The following LTF variants were observed in gnomAD, a reference collection of about 807,000 sequenced individuals.
LTF encodes epididymis luminal protein 110.
LTF carries 91 observed loss-of-function variants against 87.2 expected under a neutral mutation model. The observed-to-expected ratio is 1.04, with a 90% confidence interval of 0.88 to 1.24. The LOEUF (loss-of-function observed/expected upper bound fraction) is 1.24, where lower values mean the gene tolerates loss of function less well. Among genes scored for constraint, LTF ranks in the 50% most tolerant of loss-of-function variants. The pLI, the probability that LTF is intolerant of heterozygous loss-of-function variation, is 0.00. For synonymous variants in LTF, 378 were observed against 356.1 expected, an observed-to-expected ratio of 1.06 and a Z score of -0.69; for missense variants, 901 against 904.3, an observed-to-expected ratio of 1.00 and a Z score of 0.05.
intron 6 of LTF, among the ~76,000 whole-genome samples, chr3:46,453,565 G>T (rs1373133165): frequency 6.6e-6 from 1 of 151,998 alleles, no homozygotes; most frequent in South Asian, 2.1e-4. Flanking sequence ...GGTCCTGAGT[G>T]AATGTGGGTG....
chr3:46,465,018 G>A (rs564483332), upstream of LTF: 2 of 754,106 alleles, frequency 2.7e-6, no homozygotes, highest in South Asian at 3.2e-5. Flanking sequence ...GTTCCTTGAG[G>A]ATCCAGGCTC....
intron 1 of LTF, chr3:46,463,410 C>G: frequency 1.0e-6 from 1 of 961,550 alleles, no homozygotes; most frequent in Non-Finnish European, 1.2e-6. Context: ...CCACCCAATG[C>G]TCACACGGCT....
Position 46,436,063 on chromosome 3 carries a change from A to C in LTF, c.*132T>G, listed in dbSNP as rs1012013317. On this transcript the variant is annotated 3_prime_UTR_variant, in exon 17 of 17. Transcript: ENST00000231751. ...ACTTCTTGCTAAGACGACAGCAGGG[A>C]ATTGTAAGCAGATGGATGGGCAATC... is the stretch of plus-strand genomic sequence containing the variant. 1.3e-6 allele frequency: 1 copy of C among 797,582 alleles called. No homozygotes were observed. Among genetic ancestry groups the C allele is most frequent in the Non-Finnish European group, 2.2e-6 (1 of 464,798 alleles). The allele number at this position is 797,582 out of a possible 1,614,324, so 49.4% of individuals were successfully genotyped here. A position where few individuals can be genotyped will look rare whatever the true frequency, so the allele number is the denominator to read the frequency against.
At chr3:46,482,605 GAAAGAAGA>G (rs1327622685) in intron 1 of LTF, among the ~76,000 whole-genome samples, 8 of 124,282 alleles carry the variant, frequency 6.4e-5, no homozygotes, top group African/African-American at 2.2e-4. Context: ...GAGAAAGAAA[GAAAGAAGA>G]AAGAAAGAAA....
upstream of LTF, chr3:46,468,388 G>A: frequency 2.2e-6 from 1 of 451,632 alleles, no homozygotes. Flanking sequence ...GCACAAAGAA[G>A]GTAGCTGCTG....
At chr3:46,448,233 G>T (rs1409806774) in intron 9 of LTF, among the ~76,000 whole-genome samples, 1 of 152,112 alleles carries the variant, frequency 6.6e-6, no homozygotes, top group African/African-American at 2.4e-5. Flanking sequence ...CAGGTGTGGT[G>T]GCGTATGCCT....
chr3:46,475,702 A>T (rs761975748), intron 1 of LTF, among the ~76,000 whole-genome samples: 23 of 152,208 alleles, frequency 1.5e-4, no homozygotes, highest in Non-Finnish European at 3.4e-4. Context: ...AATCTTTTTT[A>T]AGTTAAAAAA....
intron 14 of LTF, among the ~76,000 whole-genome samples, chr3:46,440,474 C>T (rs2106831427): frequency 6.6e-6 from 1 of 152,282 alleles, no homozygotes; most frequent in Non-Finnish European, 1.5e-5. Context: ...CAGTTAATGG[C>T]TTGTAAATTC....
Position 46,438,147 on chromosome 3 carries a change from A to G in LTF, c.1909-18T>C, listed in dbSNP as rs1373487905. Reference sequence around the variant, plus strand: ...AATTTAGCCTGCGACAAAAGGGCAGACAGTGAGTAGCTAAGGAAAAGAGGA... The same window carrying G: ...AATTTAGCCTGCGACAAAAGGGCAGGCAGTGAGTAGCTAAGGAAAAGAGGA... On this transcript the variant is annotated intron_variant, in intron 15 of 16. Transcript: ENST00000231751. The G allele has an allele frequency of 6.2e-7, 1 of 1,605,716 alleles. No homozygotes were observed. The highest frequency in any genetic ancestry group is 8.5e-7 in the Non-Finnish European group (1 of 1,173,646).
intron 7 of LTF, 80 bp downstream of exon 7, chr3:46,450,415 G>A: frequency 1.4e-6 from 2 of 1,433,180 alleles, no homozygotes; most frequent in South Asian, 1.2e-5. Flanking sequence ...CTTCTGGAGT[G>A]GCAGAAGTCA....
intron 1 of LTF, among the ~76,000 whole-genome samples, chr3:46,479,171 T>C (rs534070787): frequency 7.2e-5 from 11 of 152,266 alleles, no homozygotes; most frequent in Admixed American, 7.2e-4. Flanking sequence ...CTGTGCGTGG[T>C]AGGGAATCTG....
intron 10 of LTF, 50 bp downstream of exon 10, chr3:46,447,258 C>A (rs1026333576): frequency 1.5e-6 from 2 of 1,336,286 alleles, no homozygotes; most frequent in Non-Finnish European, 2.2e-6. Flanking sequence ...CTCATAGCCC[C>A]ACTCCCATGA....
chr3:46,446,450 T>C lies in LTF; in HGVS notation c.1347A>G (p.Arg449=). ...CTAATGCCAACTCACCTTCCACAGG[T>C]CTATCCACACAGTTAGGATCAGGGT... The part of the protein sequence containing the change: ...SSDPDPNCVD[R]PVEGYLAVAV... The change falls in exon 11 of 17, where the codon AGA becomes AGG. Residue 449 remains arginine (R), a synonymous_variant. Coordinates refer to ENST00000231751, the MANE Select transcript of LTF (RefSeq NM_002343.6). The C allele has an allele frequency of 6.2e-7, 1 of 1,613,668 alleles. No homozygotes were observed. Among genetic ancestry groups the C allele is most frequent in the Non-Finnish European group, 8.5e-7 (1 of 1,179,742 alleles).
chr3:46,449,071 C>G (rs1559598269), intron 8 of LTF, 54 bp from the exon 9 acceptor site: 6 of 1,533,606 alleles, frequency 3.9e-6, no homozygotes, highest in Non-Finnish European at 5.3e-6. Context: ...GCCAGGTTGT[C>G]CAACCTCCCC....
At position 46,438,129 on chromosome 3, in the gene LTF, C is replaced by T. The variant is rs747174704; in HGVS notation, c.1909G>A (p.Ala637Thr). ...RLKQVLLHQQ[A>T]KFGRNGSDCP... ...TCAGATCCATTTCTCCCAAATTTAG[C>T]CTGCGACAAAAGGGCAGACAGTGAG... Residue 637 changes from alanine to threonine, a missense_variant and splice_region_variant, in exon 16 of 17, where the codon GCT becomes ACT. Physicochemically the swap from Ala to Thr is moderately conservative, Grantham distance 58. Coordinates refer to ENST00000231751, the MANE Select transcript of LTF (RefSeq NM_002343.6). 3 of 1,612,252 alleles carry T rather than the reference C, an allele frequency of 1.9e-6. No individual in the cohort carries two copies. Among genetic ancestry groups the T allele is most frequent in the Non-Finnish European group, 2.5e-6 (3 of 1,179,256 alleles).
At chr3:46,460,568 G>C (rs1283952856) in intron 1 of LTF, 2 of 455,970 alleles carry the variant, frequency 4.4e-6, no homozygotes, top group Non-Finnish European at 4.4e-6. Context: ...TACTCACCTG[G>C]TTGCCTGATA....
chr3:46,482,609 G>GAAGAAAGAAGGA (rs1703453316), intron 1 of LTF, among the ~76,000 whole-genome samples: 1 of 56,946 alleles, frequency 1.8e-5, no homozygotes, highest in African/African-American at 7.6e-5. Context: ...AAGAAAGAAA[G>GAAGAAAGAAGGA]AAGAAAGAAA....
intron 1 of LTF, among the ~76,000 whole-genome samples, chr3:46,473,974 A>T (rs1358158164): frequency 6.6e-6 from 1 of 152,204 alleles, no homozygotes; most frequent in Admixed American, 6.5e-5. Context: ...TATATACTCA[A>T]AGTTACTATA....
Position 46,455,407 on chromosome 3 carries a change from C to T in LTF, c.535G>A (p.Gly179Ser), listed in dbSNP as rs575155077. 12 of 1,614,220 alleles carry T rather than the reference C, an allele frequency of 7.4e-6. No individual in the cohort carries two copies. The highest frequency in any genetic ancestry group is 5.5e-5 in the South Asian group (5 of 91,086). The change falls in exon 5 of 17, where the codon GGT becomes AGT. Residue 179 changes from glycine (G) to serine (S), a missense_variant. Gly to Ser is a moderately conservative substitution (Grantham distance 56, BLOSUM62 0). Transcript: ENST00000231751. Reference sequence around the variant, plus strand: ...TTGGGGAACTGTCCTTTATCTGCACCGGGAACACAGCTGGCTGAGAAGAAC... The same window carrying T: ...TTGGGGAACTGTCCTTTATCTGCACTGGGAACACAGCTGGCTGAGAAGAAC... The part of the protein sequence containing the change: ...ARFFSASCVP[G>S]ADKGQFPNLC...
Sources: gnomAD v4.1 joint callset for allele counts (sites outside exome capture counted in the v4.1 genomes callset) on GRCh38, gnomAD v4.1.1 for gene constraint, MANE v1.5 for transcripts, NCBI Gene and HGNC (gene_info 2026-07-23, HGNC 2026-07-21) for gene names.